The following PHF24 variants were observed in gnomAD, a reference collection of about 807,000 sequenced individuals.
PHF24 encodes Galpha inhibitory interacting protein.
In PHF24, 25 loss-of-function variants were observed where a neutral mutation model predicts 42.6. The observed-to-expected ratio is 0.59, with a 90% CI of 0.43 to 0.82. The LOEUF (loss-of-function observed/expected upper bound fraction) is 0.82, where lower values mean the gene tolerates loss of function less well. PHF24 is among the 40% of genes least tolerant of loss of function. PHF24 has a pLI of 0.00. For synonymous variants in PHF24, 185 were observed against 204.8 expected, an observed-to-expected ratio of 0.90 and a Z score of 0.83; for missense variants, 470 against 538.1, an observed-to-expected ratio of 0.87 and a Z score of 1.25.
chr9:34,911,516 T>G, the PHF24 span, among the ~76,000 whole-genome samples: 1 of 152,176 alleles, frequency 6.6e-6, no homozygotes, highest in South Asian at 2.1e-4. Flanking sequence ...CCTCCCAAAG[T>G]GCCGGGATTA....
chr9:34,937,319 T>C, the PHF24 span, among the ~76,000 whole-genome samples: 3,168 of 152,008 alleles, frequency 0.021, 47 homozygotes, highest in African/African-American at 0.029. Flanking sequence ...AATTGTTCTG[T>C]CTTGGGATCC....
chr9:34,797,572 C>T, the PHF24 span, among the ~76,000 whole-genome samples: 1 of 152,144 alleles, frequency 6.6e-6, no homozygotes, highest in Non-Finnish European at 1.5e-5. Context: ...TTCCACCAGT[C>T]GATATCCTGC....
At chr9:34,864,962 G>A in the PHF24 span, among the ~76,000 whole-genome samples, 1 of 151,944 alleles carries the variant, frequency 6.6e-6, no homozygotes, top group Non-Finnish European at 1.5e-5. Flanking sequence ...AGATCACGAG[G>A]TCAAGAGATT....
At chr9:34,783,884 G>A in the PHF24 span, among the ~76,000 whole-genome samples, 1 of 152,126 alleles carries the variant, frequency 6.6e-6, no homozygotes, top group Non-Finnish European at 1.5e-5. Flanking sequence ...TGCCTTTCCT[G>A]TTCTAGCCCA....
chr9:34,864,890 G>C, the PHF24 span, among the ~76,000 whole-genome samples: 1 of 152,048 alleles, frequency 6.6e-6, no homozygotes, highest in African/African-American at 2.4e-5. Context: ...AAAAGCAGAG[G>C]GACAGGCCAG....
At chr9:34,756,309 G>A in the PHF24 span, among the ~76,000 whole-genome samples, 1 of 152,118 alleles carries the variant, frequency 6.6e-6, no homozygotes, top group Non-Finnish European at 1.5e-5. Context: ...ATGTTGGTCA[G>A]GCTGGTCCCG....
chr9:34,725,070 G>A, the PHF24 span: 1 of 1,551,882 alleles, frequency 6.4e-7, no homozygotes, highest in South Asian at 1.2e-5. Context: ...GCTGTCTGCA[G>A]TTCCAGGAAC....
the PHF24 span, among the ~76,000 whole-genome samples, chr9:34,732,693 T>G: frequency 3.3e-5 from 5 of 152,312 alleles, no homozygotes; most frequent in Admixed American, 6.5e-5. Flanking sequence ...AAAGAAATCT[T>G]TGCCCCTAGA....
At chr9:34,670,952 C>T in the PHF24 span, among the ~76,000 whole-genome samples, 1 of 152,174 alleles carries the variant, frequency 6.6e-6, no homozygotes, top group Non-Finnish European at 1.5e-5. Flanking sequence ...ATATATCCAC[C>T]ATCTGAGATC....
the PHF24 span, among the ~76,000 whole-genome samples, chr9:34,870,907 T>C: frequency 6.6e-6 from 1 of 152,248 alleles, no homozygotes; most frequent in East Asian, 1.9e-4. Flanking sequence ...AAAGCTGTTA[T>C]AAACATCCAT....
the PHF24 span, among the ~76,000 whole-genome samples, chr9:34,904,365 G>A: frequency 0.042 from 6,388 of 152,102 alleles, 372 homozygotes; most frequent in African/African-American, 0.13. Flanking sequence ...TGGGTTTGTC[G>A]TGGATGGCTT....
At chr9:34,723,693 C>G in the PHF24 span, 1 of 1,551,444 alleles carries the variant, frequency 6.4e-7, no homozygotes, top group Non-Finnish European at 8.7e-7. Context: ...AAAGTTTGGC[C>G]CTGCAAAGGC....
chr9:34,843,391 AT>A, the PHF24 span, among the ~76,000 whole-genome samples: 5 of 152,362 alleles, frequency 3.3e-5, no homozygotes, highest in East Asian at 7.7e-4. Context: ...AGTTAAAAAA[AT>A]ATCAAGTGAC....
the PHF24 span, among the ~76,000 whole-genome samples, chr9:34,694,489 C>A: frequency 3.6e-4 from 55 of 152,198 alleles, no homozygotes; most frequent in Non-Finnish European, 5.9e-5. Context: ...CGCCACCACA[C>A]CCAGCTAAGT....
At chr9:34,922,115 G>A in the PHF24 span, 2 of 1,289,398 alleles carry the variant, frequency 1.6e-6, no homozygotes, top group Non-Finnish European at 2.2e-6. Context: ...CTATTTGTGG[G>A]ACAGCATGGA....
chr9:34,763,564 C>T, the PHF24 span, among the ~76,000 whole-genome samples: 7 of 152,168 alleles, frequency 4.6e-5, no homozygotes, highest in Non-Finnish European at 8.8e-5. Context: ...TGAGACTTTG[C>T]TGAAGTTGCT....
the PHF24 span, among the ~76,000 whole-genome samples, chr9:34,800,622 A>G: frequency 6.6e-6 from 1 of 152,216 alleles, no homozygotes; most frequent in African/African-American, 2.4e-5. Context: ...CATATGCAGA[A>G]AACCGAAACT....
the PHF24 span, among the ~76,000 whole-genome samples, chr9:34,763,816 A>G: frequency 3.9e-5 from 6 of 152,224 alleles, no homozygotes; most frequent in South Asian, 2.1e-4. Flanking sequence ...CCCATTCAGT[A>G]TGATATTGGC....
chr9:34,678,437 C>T, the PHF24 span, among the ~76,000 whole-genome samples: 1 of 150,550 alleles, frequency 6.6e-6, no homozygotes, highest in East Asian at 2.0e-4. Flanking sequence ...TGGGTTCAAG[C>T]GATTCTCCTG....
Sources: allele counts gnomAD v4.1 joint callset (sites outside exome capture counted in the v4.1 genomes callset), GRCh38; gene constraint gnomAD v4.1.1; transcripts MANE v1.5; gene names NCBI Gene and HGNC (gene_info 2026-07-23, HGNC 2026-07-21).